Variants in CTNND2 observed in about 807,000 individuals in gnomAD.
The protein encoded by CTNND2 is catenin delta 2, also known as catenin delta-2.
Under a neutral mutation model 144.4 loss-of-function variants are expected in CTNND2, and 22 were observed. The observed-to-expected ratio is 0.15, with a 90% CI of 0.11 to 0.22. CTNND2 has a LOEUF of 0.22. Among genes scored for constraint, CTNND2 ranks in the 10% least tolerant of loss-of-function variants. The probability of loss-of-function intolerance (pLI) is 1.00; values close to 1 mark genes in which losing one functional copy is unlikely to be tolerated. For missense variants in CTNND2, 1,353 were observed against 1,618.8 expected (o/e 0.84, Z 2.82); for synonymous variants, 751 against 695.6 (o/e 1.08, Z -1.25).
chr5:11,026,356 CTTTTTTTTTTT>C (rs67196223), intron 16 of CTNND2, among the ~76,000 whole-genome samples: 1 of 117,042 alleles, frequency 8.5e-6, no homozygotes, highest in Non-Finnish European at 1.7e-5. Flanking sequence ...CCTTCTTCTT[CTTTTTTTTTTT>C]TTTTTTTTTT....
chr5:11,267,259 G>A (rs1437053711), intron 9 of CTNND2, among the ~76,000 whole-genome samples: 1 of 152,160 alleles, frequency 6.6e-6, no homozygotes, highest in African/African-American at 2.4e-5. Flanking sequence ...CTCCCCACGT[G>A]GAGCTAACGG....
At chr5:11,144,070 A>T (rs1204863661) in intron 12 of CTNND2, among the ~76,000 whole-genome samples, 45 of 146,372 alleles carry the variant, frequency 3.1e-4, no homozygotes, top group African/African-American at 8.6e-4. Flanking sequence ...CCATAGGGGC[A>T]GTCCCCAGGT....
chr5:11,090,102 C>T (rs796269436), intron 15 of CTNND2, among the ~76,000 whole-genome samples: 11 of 152,270 alleles, frequency 7.2e-5, no homozygotes, highest in African/African-American at 2.6e-4. Flanking sequence ...ATTCTGAGGC[C>T]CCTGGTGTGG....
chr5:11,620,201 G>A (rs576282094), intron 2 of CTNND2, among the ~76,000 whole-genome samples: 2 of 151,894 alleles, frequency 1.3e-5, no homozygotes, highest in African/African-American at 4.8e-5. Context: ...TGACATCTTG[G>A]GACCTGGCTG....
At chr5:11,601,360 T>C (rs903365355) in intron 2 of CTNND2, among the ~76,000 whole-genome samples, 3 of 152,142 alleles carry the variant, frequency 2.0e-5, no homozygotes, top group Admixed American at 1.3e-4. Context: ...CTATGGAAAA[T>C]GATGTATTGC....
intron 10 of CTNND2, among the ~76,000 whole-genome samples, chr5:11,228,488 A>ATTT (rs1216853512): frequency 3.9e-4 from 51 of 132,004 alleles, no homozygotes; most frequent in African/African-American, 1.3e-3. Context: ...CAGGTTATGG[A>ATTT]TTTTTTTTTT....
In CTNND2 at chr5:11,903,668, C is replaced by A; in HGVS notation, c.37+149G>T. The A allele has an allele frequency of 4.7e-6, 4 of 848,746 alleles. No homozygotes were observed. In the South Asian group the frequency reaches 6.9e-5, roughly 15 times the overall value. The allele number at this position is 848,746 out of a possible 1,614,324, so 52.6% of individuals were successfully genotyped here. A position where few individuals can be genotyped will look rare whatever the true frequency, so the allele number is the denominator to read the frequency against. ...GAGGGGGACCTGGCGCGATCGCGGT[C>A]CTCCCCGAGGCAGGCAGAAACCCCG... On this transcript the variant is annotated intron_variant, in intron 1 of 21. Transcript: ENST00000304623. This position sits in a 1 kb window ranked among gnomAD's most constrained non-coding sequence, Gnocchi z 5.4.
At chr5:11,210,909 G>A (rs1038632782) in intron 10 of CTNND2, among the ~76,000 whole-genome samples, 2 of 152,154 alleles carry the variant, frequency 1.3e-5, no homozygotes, top group Non-Finnish European at 2.9e-5. Context: ...AACCTGTGGA[G>A]TCAGGAATTA....
At chr5:11,075,296 T>C (rs1748823942) in intron 16 of CTNND2, among the ~76,000 whole-genome samples, 1 of 152,122 alleles carries the variant, frequency 6.6e-6, no homozygotes, top group Non-Finnish European at 1.5e-5. Context: ...GAGAAGGCAT[T>C]GGCTGGACAG....
chr5:11,795,117 A>G (rs1791329982), intron 1 of CTNND2, among the ~76,000 whole-genome samples: 1 of 152,158 alleles, frequency 6.6e-6, no homozygotes, highest in African/African-American at 2.4e-5. Flanking sequence ...AGAAACAAAG[A>G]GTGAGTGTTC....
chr5:11,480,646 A>ATGTGTGTGTGTGTGTGTGTG lies in CTNND2; in HGVS notation c.288-68597_288-68578dup, dbSNP rs58951106. 8.0e-4 allele frequency among the ~76,000 whole-genome samples: 120 copies of ATGTGTGTGTGTGTGTGTGTG among 149,156 alleles called. 2 individuals carry two copies. Among genetic ancestry groups the ATGTGTGTGTGTGTGTGTGTG allele is most frequent in the African/African-American group, 2.7e-3 (111 of 40,518 alleles). ...TGTTCTATGATTTGAAAATACATAT[A>ATGTGTGTGTGTGTGTGTGTG]TGTGTGTGTGTGTGTGTGTGTGTGT... is the stretch of plus-strand genomic sequence containing the variant. On this transcript the variant is annotated intron_variant, in intron 3 of 21. Coordinates refer to ENST00000304623, the MANE Select transcript of CTNND2 (RefSeq NM_001332.4).
At chr5:11,884,591 C>T (rs777628840) in intron 1 of CTNND2, among the ~76,000 whole-genome samples, 5 of 152,060 alleles carry the variant, frequency 3.3e-5, no homozygotes, top group Admixed American at 3.3e-4. Context: ...AATGTAAGAT[C>T]ATGTCATCTG....
chr5:11,722,206 A>C (rs1465217914), intron 2 of CTNND2, among the ~76,000 whole-genome samples: 2 of 152,224 alleles, frequency 1.3e-5, no homozygotes, highest in African/African-American at 4.8e-5. Context: ...TCCTAAGAAG[A>C]TGCTGAAAAG....
chr5:11,806,060 TGA>T (rs1244222555), intron 1 of CTNND2, among the ~76,000 whole-genome samples: 1 of 152,136 alleles, frequency 6.6e-6, no homozygotes, highest in Non-Finnish European at 1.5e-5. Flanking sequence ...AAGGAAAGTC[TGA>T]GAATCTTCCA....
chr5:11,021,560 G>A lies in CTNND2; in HGVS notation c.2999+1209C>T, dbSNP rs1407532333. ...AGCTCAAGCCAACAGTCTCCACTGCGCAATTATTATATGAGTCCAGTGGGG... is the reference window on the plus strand; with the variant it reads ...AGCTCAAGCCAACAGTCTCCACTGCACAATTATTATATGAGTCCAGTGGGG... On this transcript the variant is annotated intron_variant, in intron 17 of 21. Transcript: ENST00000304623. 3.9e-5 allele frequency among the ~76,000 whole-genome samples: 6 copies of A among 152,140 alleles called. No homozygotes were observed. The East Asian group carries it at 5.8e-4, about 15-fold the overall frequency.
chr5:11,745,482 T>C (rs973891886), intron 1 of CTNND2, among the ~76,000 whole-genome samples: 1 of 152,198 alleles, frequency 6.6e-6, no homozygotes, highest in Admixed American at 6.5e-5. Context: ...CAGACCTCTC[T>C]TTGGCAAAGC....
intron 3 of CTNND2, among the ~76,000 whole-genome samples, chr5:11,509,411 T>G (rs1055199533): frequency 5.3e-5 from 8 of 152,096 alleles, no homozygotes; most frequent in Non-Finnish European, 7.3e-5. Flanking sequence ...GTTTATCCAG[T>G]TCAAAACAGC....
intron 11 of CTNND2, among the ~76,000 whole-genome samples, chr5:11,163,841 A>G (rs371744972): frequency 4.3e-4 from 66 of 152,316 alleles, no homozygotes; most frequent in African/African-American, 1.5e-3. Flanking sequence ...CACGTTTGCA[A>G]TTCAATAAGT....
At position 11,346,710 on chromosome 5, in the gene CTNND2, G is replaced by T. The variant is rs964130203; in HGVS notation, c.1373-83C>A. The T allele has an allele frequency of 3.9e-6, 5 of 1,276,114 alleles. No individual in the cohort carries two copies. The African/African-American group carries it at 7.7e-5, about 20-fold the overall frequency. 79.0% of individuals were successfully genotyped at this position (1,276,114 alleles called of 1,614,324 possible). A position where few individuals can be genotyped will look rare whatever the true frequency, so the allele number is the denominator to read the frequency against. Reference sequence around the variant, plus strand: ...TAACCAGGTCTAGGCAGGGGCAGGGGAAGTTACACACATAAAAAATAGGGG... The same window carrying T: ...TAACCAGGTCTAGGCAGGGGCAGGGTAAGTTACACACATAAAAAATAGGGG... On this transcript the variant is annotated intron_variant, in intron 8 of 21. Transcript: ENST00000304623.
Sources: gnomAD v4.1 joint callset for allele counts (sites outside exome capture counted in the v4.1 genomes callset) on GRCh38, gnomAD v4.1.1 for gene constraint, Gnocchi (gnomAD v3.1) non-coding constraint, MANE v1.5 for transcripts, NCBI Gene and HGNC (gene_info 2026-07-23, HGNC 2026-07-21) for gene names.